Variants in UNC45B observed in about 807,000 individuals in gnomAD.
The protein encoded by UNC45B is unc-45 myosin chaperone B, also known as protein unc-45 homolog B.
Under a neutral mutation model 98.7 loss-of-function variants are expected in UNC45B, and 78 were observed. The observed-to-expected ratio is 0.79, with a 90% CI of 0.66 to 0.95. The LOEUF (loss-of-function observed/expected upper bound fraction) is 0.95. UNC45B is among the 40% of genes least tolerant of loss of function. The pLI, the probability that UNC45B is intolerant of heterozygous loss-of-function variation, is 0.00. For synonymous variants in UNC45B, 462 were observed against 480.4 expected (o/e 0.96, Z 0.50); for missense variants, 1,225 against 1,184.9 (o/e 1.03, Z -0.50).
chr17:35,177,627 TG>T lies in UNC45B; in HGVS notation c.2255+19del, dbSNP rs974859911. 4 of 1,530,424 alleles carry T rather than the reference TG, an allele frequency of 2.6e-6. No homozygotes were observed. The African/African-American group carries it at 4.1e-5, about 16-fold the overall frequency. The allele number at this position is 1,530,424 out of a possible 1,614,324, so 94.8% of individuals were successfully genotyped here. On this transcript the variant is annotated intron_variant, in intron 17 of 19. Coordinates refer to ENST00000394570, the MANE Select transcript of UNC45B (RefSeq NM_001267052.2). ...CAAACTCCGGTGAGTGTGGTGAGTG[TG>T]GCAGGGGTGGAGAGAGGTGGCTCAA...
intron 13 of UNC45B, among the ~76,000 whole-genome samples, chr17:35,173,951 A>G (rs1567764982): frequency 6.6e-6 from 1 of 151,622 alleles, no homozygotes; most frequent in African/African-American, 2.4e-5. Context: ...AGCTGGGACT[A>G]CAGGTGCCCG....
intron 2 of UNC45B, 91 bp downstream of exon 2, chr17:35,148,522 T>C: frequency 6.9e-7 from 1 of 1,446,080 alleles, no homozygotes; most frequent in Non-Finnish European, 9.3e-7. Context: ...AAATTGCCCT[T>C]CATCCCAGCC....
chr17:35,152,484 A>G (rs1406122411), intron 4 of UNC45B, among the ~76,000 whole-genome samples: 1 of 152,216 alleles, frequency 6.6e-6, no homozygotes, highest in East Asian at 1.9e-4. Context: ...TGCTTCGTCT[A>G]CATTTCAAGT....
At position 35,152,918 on chromosome 17, in the gene UNC45B, C is replaced by T. The variant is rs887500853; in HGVS notation, c.407C>T (p.Ser136Leu). The T allele has an allele frequency of 4.3e-6, 7 of 1,613,902 alleles. No homozygotes were observed. Among genetic ancestry groups the T allele is most frequent in the Non-Finnish European group, 5.1e-6 (6 of 1,179,994 alleles). The change falls in exon 5 of 20, where the codon TCG (serine) becomes TTG (leucine). Residue 136 changes from serine to leucine, a missense_variant. Coordinates refer to ENST00000394570, the MANE Select transcript of UNC45B (RefSeq NM_001267052.2). ...CTCCGAGTGCAGTTCTCCACAGACT[C>T]GAGGGTACAGAAGATGTTTGAGATC... ...EKLRVQFSTD[S>L]RVQKMFEILL...
At chr17:35,151,519 G>A (rs945727363) in intron 4 of UNC45B, among the ~76,000 whole-genome samples, 1 of 152,184 alleles carries the variant, frequency 6.6e-6, no homozygotes, top group African/African-American at 2.4e-5. Flanking sequence ...AGGATGCGGA[G>A]AACCTGGACC....
chr17:35,174,149 C>A, intron 13 of UNC45B, 93 bp from the exon 14 acceptor site: 1 of 1,554,930 alleles, frequency 6.4e-7, no homozygotes, highest in South Asian at 1.2e-5. Context: ...TTCAACCAAC[C>A]CCAAGAATTC....
At chr17:35,152,107 G>A (rs1381486651) in intron 4 of UNC45B, among the ~76,000 whole-genome samples, 5 of 152,170 alleles carry the variant, frequency 3.3e-5, no homozygotes, top group Non-Finnish European at 5.9e-5. Flanking sequence ...TTAGCTGGGC[G>A]TGGTGGCACA....
intron 2 of UNC45B, 58 bp downstream of exon 2, chr17:35,148,489 T>G (rs1035957715): frequency 6.4e-7 from 1 of 1,551,024 alleles, no homozygotes; most frequent in African/African-American, 1.4e-5. Context: ...TGGGGCTGAG[T>G]GGCAGCCCCT....
rs2092306254 is a variant in UNC45B, at chr17:35,186,622, T to C, written c.*63T>C. ...TGTGCAGAGTCCTGGGTTGGTTGGGTTCTCCTGAAGAGTCAGGTCATCTAG... is the reference window on the plus strand; with the variant it reads ...TGTGCAGAGTCCTGGGTTGGTTGGGCTCTCCTGAAGAGTCAGGTCATCTAG... On this transcript the variant is annotated 3_prime_UTR_variant, in exon 20 of 20. Coordinates refer to ENST00000394570, the MANE Select transcript of UNC45B (RefSeq NM_001267052.2). The C allele has an allele frequency of 1.3e-6, 2 of 1,577,724 alleles. No homozygotes were observed. The highest frequency in any genetic ancestry group is 1.7e-6 in the Non-Finnish European group (2 of 1,157,390).
At chr17:35,172,042 G>A (rs1052059318) in intron 13 of UNC45B, among the ~76,000 whole-genome samples, 1 of 152,098 alleles carries the variant, frequency 6.6e-6, no homozygotes, top group Non-Finnish European at 1.5e-5. Flanking sequence ...GAGTTAAAAT[G>A]TGGGGAAAAG....
chr17:35,172,864 T>G (rs528059522), intron 13 of UNC45B, among the ~76,000 whole-genome samples: 83 of 152,342 alleles, frequency 5.4e-4, no homozygotes, highest in African/African-American at 2.0e-3. Context: ...GTCTTTTGGA[T>G]TATCCGTCTT....
chr17:35,186,288 C>T lies in UNC45B; in HGVS notation c.2530-11C>T, dbSNP rs772628493. The T allele has an allele frequency of 2.2e-5, 36 of 1,611,982 alleles. 1 individual carries two copies. The highest frequency in any genetic ancestry group is 1.6e-4 in the East Asian group (7 of 44,886). On this transcript the variant is annotated splice_polypyrimidine_tract_variant and intron_variant, in intron 19 of 19. Transcript: ENST00000394570. Reference sequence around the variant, plus strand: ...ACCTAGCACCTTCCTTACCTTTTTCCCTGCCTCCAGACAACCCAGTGGTTG... The same window carrying T: ...ACCTAGCACCTTCCTTACCTTTTTCTCTGCCTCCAGACAACCCAGTGGTTG...
At chr17:35,178,760 T>A (rs1254460938) in intron 17 of UNC45B, among the ~76,000 whole-genome samples, 3 of 152,246 alleles carry the variant, frequency 2.0e-5, no homozygotes, top group Non-Finnish European at 4.4e-5. Flanking sequence ...TACATATGGC[T>A]AGCTAGTTTT....
Position 35,148,701 on chromosome 17 carries a change from C to G in UNC45B, c.168+270C>G, listed in dbSNP as rs189870549. 1.5e-3 allele frequency among the ~76,000 whole-genome samples: 221 copies of G among 152,248 alleles called. 1 individual carries two copies. Among genetic ancestry groups the G allele is most frequent in the Non-Finnish European group, 2.5e-3 (170 of 68,008 alleles). The stretch of plus-strand genomic sequence containing the variant: ...GTGAGATAGCTGTTGTTGTCCTCCC[C>G]CTATCGCAGGTAAGAAACTCGGGAT... On this transcript the variant is annotated intron_variant, in intron 2 of 19. Coordinates refer to ENST00000394570, the MANE Select transcript of UNC45B (RefSeq NM_001267052.2).
At chr17:35,153,064 C>T in intron 5 of UNC45B, 82 bp downstream of exon 5, 1 of 1,233,874 alleles carries the variant, frequency 8.1e-7, no homozygotes, top group Non-Finnish European at 1.2e-6. Context: ...GGAAGGGGGA[C>T]CGGAGGCCTG....
At chr17:35,166,598 C>T (rs2092143123) in intron 9 of UNC45B, among the ~76,000 whole-genome samples, 1 of 152,182 alleles carries the variant, frequency 6.6e-6, no homozygotes, top group African/African-American at 2.4e-5. Context: ...TGGAATACAT[C>T]CCGCTTCATC....
chr17:35,174,269 G>A lies in UNC45B; in HGVS notation c.1858G>A (p.Val620Met). The A allele has an allele frequency of 1.9e-6, 3 of 1,614,212 alleles. No homozygotes were observed. Among genetic ancestry groups the A allele is most frequent in the Admixed American group, 1.7e-5 (1 of 60,028 alleles). Reference sequence around the variant, plus strand: ...CAAGAAGGACTTTATAGACATGCGGGTGAAGCGGCTTCTGAAGGCGGGTGT... The same window carrying A: ...CAAGAAGGACTTTATAGACATGCGGATGAAGCGGCTTCTGAAGGCGGGTGT... ...KDKKDFIDMR[V>M]KRLLKAGVIS... Residue 620 changes from valine (V) to methionine (M), a missense_variant, in exon 14 of 20, where the codon GTG becomes ATG. Transcript: ENST00000394570.
At chr17:35,148,210 G>A in intron 1 of UNC45B, 54 bp from the exon 2 acceptor site, 1 of 1,602,566 alleles carries the variant, frequency 6.2e-7, no homozygotes, top group Non-Finnish European at 8.5e-7. Flanking sequence ...CAGGAGCCCA[G>A]CCCTGGGTCT....
chr17:35,175,073 A>AAGAAAGAAAGAAAG lies in UNC45B; in HGVS notation c.1958+718_1958+731dup, dbSNP rs1218332511. Among the ~76,000 whole-genome samples, 7 of 121,246 alleles carry AAGAAAGAAAGAAAG rather than the reference A, an allele frequency of 5.8e-5. No homozygotes were observed. In the East Asian group the frequency reaches 1.6e-3, roughly 28 times the overall value. The allele number at this position is 121,246 out of a possible 152,430, so 79.5% of individuals were successfully genotyped here. A position where few individuals can be genotyped will look rare whatever the true frequency, so the allele number is the denominator to read the frequency against. ...AAAGAAAGGAAAGAAGAAAGAAAGAAAGAAAGAAAGAAAGAGAAAGAAAGA... is the reference window on the plus strand; with the variant it reads ...AAAGAAAGGAAAGAAGAAAGAAAGAAAGAAAGAAAGAAAGAGAAAGAAAGAAAGAGAAAGAAAGA... On this transcript the variant is annotated intron_variant, in intron 14 of 19. Transcript: ENST00000394570.
Sources: gnomAD v4.1 joint callset for allele counts (sites outside exome capture counted in the v4.1 genomes callset) on GRCh38, gnomAD v4.1.1 for gene constraint, MANE v1.5 for transcripts, NCBI Gene and HGNC (gene_info 2026-07-23, HGNC 2026-07-21) for gene names.